UBR3: variants seen among roughly 807,000 people sequenced by gnomAD.
The protein encoded by UBR3 is ubiquitin protein ligase E3 component n-recognin 3, also known as E3 ubiquitin-protein ligase UBR3.
A neutral mutation model predicts 243.2 loss-of-function variants in UBR3; 85 were observed. The observed-to-expected ratio is 0.35, with a 90% CI of 0.29 to 0.42. The LOEUF is 0.42. UBR3 is among the 10% of genes least tolerant of loss of function. UBR3 has a pLI of 1.00. For missense variants in UBR3, 1,686 were observed against 2,300.8 expected (o/e 0.73, Z 5.47); for synonymous variants, 748 against 799.8 (o/e 0.94, Z 1.09).
chr2:170,066,920 C>T (rs540058654), intron 35 of UBR3, among the ~76,000 whole-genome samples: 61 of 150,394 alleles, frequency 4.1e-4, no homozygotes, highest in South Asian at 8.4e-4. Context: ...GCCGAGATCG[C>T]GCCACCGCAC....
At chr2:170,046,102 G>T (rs1048290966) in intron 32 of UBR3, among the ~76,000 whole-genome samples, 2 of 151,766 alleles carry the variant, frequency 1.3e-5, no homozygotes, top group African/African-American at 4.8e-5. Context: ...AAGTAGCTAG[G>T]ATTACAGGCG....
At chr2:169,920,081 G>C (rs1001325374) in intron 11 of UBR3, among the ~76,000 whole-genome samples, 21 of 152,138 alleles carry the variant, frequency 1.4e-4, no homozygotes, top group Admixed American at 2.6e-4. Context: ...CAATGATAGA[G>C]TGGATTAAGA....
At chr2:170,076,232 G>T (rs753826169) in intron 36 of UBR3, among the ~76,000 whole-genome samples, 1 of 152,184 alleles carries the variant, frequency 6.6e-6, no homozygotes, top group Non-Finnish European at 1.5e-5. Flanking sequence ...TTTTCTAAAA[G>T]AACTTATAAT....
At chr2:169,939,429 T>A (rs2105354854) in intron 19 of UBR3, among the ~76,000 whole-genome samples, 1 of 65,192 alleles carries the variant, frequency 1.5e-5, no homozygotes, top group African/African-American at 7.1e-5. Flanking sequence ...CGGCTAATTT[T>A]TTGTATTTTT....
At chr2:169,890,569 A>ATATATATATGTGTATATATATATG (rs1415148340) in intron 5 of UBR3, among the ~76,000 whole-genome samples, 1 of 101,574 alleles carries the variant, frequency 9.8e-6, no homozygotes, top group African/African-American at 4.1e-5. Flanking sequence ...ATATATGTGT[A>ATATATATATGTGTATATATATATG]TATATATATA....
chr2:169,831,288 C>T (rs536243030), intron 1 of UBR3, among the ~76,000 whole-genome samples: 6 of 149,632 alleles, frequency 4.0e-5, no homozygotes, highest in African/African-American at 1.5e-4. Flanking sequence ...TACAGGGATG[C>T]GCCACCACAC....
At chr2:169,942,768 T>C in intron 20 of UBR3, 134 bp downstream of exon 20, 1 of 892,274 alleles carries the variant, frequency 1.1e-6, no homozygotes, top group Admixed American at 3.7e-5. Flanking sequence ...TATGAAGATA[T>C]GTTATAATCA....
chr2:170,065,541 C>T (rs990891287), intron 35 of UBR3, among the ~76,000 whole-genome samples: 1 of 152,156 alleles, frequency 6.6e-6, no homozygotes, highest in Non-Finnish European at 1.5e-5. Context: ...GATCCACCCC[C>T]CTCAGCTCCC....
At chr2:169,849,705 C>T (rs887681540) in intron 1 of UBR3, among the ~76,000 whole-genome samples, 4 of 152,230 alleles carry the variant, frequency 2.6e-5, no homozygotes, top group African/African-American at 9.7e-5. Flanking sequence ...AATGCAGATT[C>T]AGTTGTTTGC....
intron 11 of UBR3, among the ~76,000 whole-genome samples, chr2:169,921,574 G>A (rs1021180787): frequency 6.6e-6 from 1 of 152,156 alleles, no homozygotes; most frequent in Non-Finnish European, 1.5e-5. Flanking sequence ...ACTGGGTACT[G>A]TGCTGTTTTA....
At chr2:170,047,639 C>T (rs896145123) in intron 32 of UBR3, among the ~76,000 whole-genome samples, 4 of 152,182 alleles carry the variant, frequency 2.6e-5, no homozygotes, top group African/African-American at 9.7e-5. Flanking sequence ...ACGTGATGTA[C>T]AGTAGTCCCC....
At chr2:169,915,583 T>C (rs776446356) in intron 11 of UBR3, among the ~76,000 whole-genome samples, 74 of 152,184 alleles carry the variant, frequency 4.9e-4, no homozygotes, top group Non-Finnish European at 2.1e-4. Flanking sequence ...GTTTGTTTCA[T>C]GATTAGATTC....
At chr2:169,971,580 G>A (rs1354836724) in intron 24 of UBR3, among the ~76,000 whole-genome samples, 2 of 151,888 alleles carry the variant, frequency 1.3e-5, no homozygotes, top group Non-Finnish European at 2.9e-5. Flanking sequence ...TATTAAATAG[G>A]GAATCCTTTC....
intron 1 of UBR3, among the ~76,000 whole-genome samples, chr2:169,839,883 AAG>A (rs1224745306): frequency 2.0e-5 from 3 of 151,558 alleles, no homozygotes; most frequent in Non-Finnish European, 4.4e-5. Flanking sequence ...GAATTAAAGA[AAG>A]AGGAAAGAAA....
intron 36 of UBR3, among the ~76,000 whole-genome samples, chr2:170,077,031 C>T (rs986295541): frequency 2.6e-5 from 4 of 152,212 alleles, no homozygotes; most frequent in Non-Finnish European, 5.9e-5. Flanking sequence ...GCTTGTAAAT[C>T]CGCAGAAGAG....
At chr2:170,062,786 T>C (rs1002111819) in intron 35 of UBR3, among the ~76,000 whole-genome samples, 1 of 152,200 alleles carries the variant, frequency 6.6e-6, no homozygotes, top group African/African-American at 2.4e-5. Flanking sequence ...AGTTGGAAAG[T>C]ATGTGGAGGC....
At position 169,987,398 on chromosome 2, in the gene UBR3, A is replaced by AC. The variant is rs1482256931; in HGVS notation, c.3784+604_3784+605insC. On this transcript the variant is annotated intron_variant, in intron 25 of 38. Transcript: ENST00000272793. The stretch of plus-strand genomic sequence containing the variant: ...ACAGAGCAAGACTCTGTCTCAAAAA[A>AC]AAAAAAAAAACAAAAAAAAAACAAA... Among the ~76,000 whole-genome samples the AC allele has an allele frequency of 2.7e-4, 40 of 150,546 alleles. No homozygotes were observed. In the East Asian group the frequency reaches 5.3e-3, roughly 20 times the overall value.
At chr2:169,915,731 CCTT>C (rs1371361337) in intron 11 of UBR3, among the ~76,000 whole-genome samples, 11 of 152,284 alleles carry the variant, frequency 7.2e-5, no homozygotes, top group African/African-American at 2.4e-4. Context: ...CTGCTAGACT[CCTT>C]CATCATAAAA....
At chr2:169,916,552 A>C (rs1325469810) in intron 11 of UBR3, among the ~76,000 whole-genome samples, 1 of 151,792 alleles carries the variant, frequency 6.6e-6, no homozygotes, top group Non-Finnish European at 1.5e-5. Flanking sequence ...TTCGTGCTTG[A>C]AACTCCCGCA....
Sources: gnomAD v4.1 joint callset for allele counts (sites outside exome capture counted in the v4.1 genomes callset) on GRCh38, gnomAD v4.1.1 for gene constraint, MANE v1.5 for transcripts, NCBI Gene and HGNC (gene_info 2026-07-23, HGNC 2026-07-21) for gene names.